HSD17B3: variants seen among roughly 807,000 people sequenced by gnomAD.
HSD17B3 encodes the protein 17-beta-hydroxysteroid dehydrogenase type 3.
HSD17B3 carries 29 observed loss-of-function variants against 41.1 expected under a neutral mutation model. The ratio of observed to expected loss-of-function variants is 0.71; its 90% CI spans 0.53 to 0.96. The LOEUF (loss-of-function observed/expected upper bound fraction) is 0.96. Among genes scored for constraint, HSD17B3 ranks in the 40% least tolerant of loss-of-function variants. The probability of loss-of-function intolerance (pLI) is 0.00; values close to 1 mark genes in which losing one functional copy is unlikely to be tolerated. For missense variants in HSD17B3, 323 were observed against 374.6 expected (o/e 0.86, Z 1.14); for synonymous variants, 126 against 145.6 (o/e 0.87, Z 0.97).
Position 96,240,842 on chromosome 9 carries a change from C to G in HSD17B3, c.738G>C (p.Lys246Asn). 6.2e-7 allele frequency: 1 copy of G among 1,614,182 alleles called. No individual in the cohort carries two copies. The highest frequency in any genetic ancestry group is 8.5e-7 in the Non-Finnish European group (1 of 1,180,004). Residue 246 changes from lysine to asparagine, a missense_variant, in exon 10 of 11, where the codon AAG becomes AAC. Lys to Asn is a moderately conservative substitution (Grantham distance 94). Transcript: ENST00000375263. Reference sequence around the variant, plus strand: ...ACTCTTTGACAAACTCATCAGCAGTCTTGGTTATCACATTTGTATTTAGAT... The same window carrying G: ...ACTCTTTGACAAACTCATCAGCAGTGTTGGTTATCACATTTGTATTTAGAT... ...TKYLNTNVIT[K>N]TADEFVKESL...
At chr9:96,261,973 C>T (rs761144516) in intron 2 of HSD17B3, among the ~76,000 whole-genome samples, 2 of 152,128 alleles carry the variant, frequency 1.3e-5, no homozygotes, top group African/African-American at 2.4e-5. Flanking sequence ...ACTGTAACTA[C>T]GAAGTGAAAC....
At chr9:96,286,100 T>C (rs1031464446) in intron 2 of HSD17B3, among the ~76,000 whole-genome samples, 1 of 152,106 alleles carries the variant, frequency 6.6e-6, no homozygotes, top group Non-Finnish European at 1.5e-5. Flanking sequence ...TCCCAGCACT[T>C]TGGGAGGCCA....
intron 2 of HSD17B3, among the ~76,000 whole-genome samples, chr9:96,259,042 G>A (rs752036477): frequency 1.4e-4 from 22 of 152,184 alleles, no homozygotes; most frequent in Non-Finnish European, 2.6e-4. Flanking sequence ...CATCCAGCTA[G>A]TGCCAGGATT....
chr9:96,253,278 A>C (rs1825501435), intron 3 of HSD17B3, among the ~76,000 whole-genome samples: 1 of 152,166 alleles, frequency 6.6e-6, no homozygotes, highest in Admixed American at 6.6e-5. Context: ...GGTGGAGCCC[A>C]GCCAGCCACC....
At chr9:96,276,703 AT>A (rs1399445049) in intron 2 of HSD17B3, among the ~76,000 whole-genome samples, 2 of 152,242 alleles carry the variant, frequency 1.3e-5, no homozygotes, top group Admixed American at 1.3e-4. Flanking sequence ...AGATATCCGC[AT>A]GCAGAAAAAT....
chr9:96,298,521 A>T, intron 1 of HSD17B3, 59 bp from the exon 2 acceptor site: 1 of 1,445,588 alleles, frequency 6.9e-7, no homozygotes, highest in Non-Finnish European at 9.7e-7. Flanking sequence ...TCTCTTTCTC[A>T]CTGGCCACGT....
rs55707445 is a variant in HSD17B3, at chr9:96,300,209, G to GACACACACACACACACACACAC, written c.154+1720_154+1741dup. The stretch of plus-strand genomic sequence containing the variant: ...TCCTGACAGCATAATACCCCAAGAG[G>GACACACACACACACACACACAC]ACACACACACACACACACACACACA... On this transcript the variant is annotated intron_variant, in intron 1 of 10. Coordinates refer to ENST00000375263, the MANE Select transcript of HSD17B3 (RefSeq NM_000197.2). Among the ~76,000 whole-genome samples the GACACACACACACACACACACAC allele has an allele frequency of 4.5e-4, 52 of 116,376 alleles. 3 individuals carry two copies. Among genetic ancestry groups the GACACACACACACACACACACAC allele is most frequent in the Non-Finnish European group, 7.7e-4 (43 of 55,976 alleles). 76.3% of individuals were successfully genotyped at this position (116,376 alleles called of 152,430 possible).
At chr9:96,248,960 C>T (rs1448932259) in intron 6 of HSD17B3, among the ~76,000 whole-genome samples, 3 of 151,258 alleles carry the variant, frequency 2.0e-5, no homozygotes, top group African/African-American at 7.3e-5. Context: ...GGCTCGACTG[C>T]AGTGACACAG....
chr9:96,244,412 G>A lies in HSD17B3; in HGVS notation c.607-18C>T. 6.2e-7 allele frequency: 1 copy of A among 1,613,908 alleles called. No homozygotes were observed. The highest frequency in any genetic ancestry group is 8.5e-7 in the Non-Finnish European group (1 of 1,179,808). Reference sequence around the variant, plus strand: ...ACAAACGCCTGGAGCAAGAAGGAGAGACACCTGAGGCCCCAGAGTGAGCTC... The same window carrying A: ...ACAAACGCCTGGAGCAAGAAGGAGAAACACCTGAGGCCCCAGAGTGAGCTC... On this transcript the variant is annotated intron_variant, in intron 8 of 10. Coordinates refer to ENST00000375263, the MANE Select transcript of HSD17B3 (RefSeq NM_000197.2).
At chr9:96,281,023 A>C (rs1826669960) in intron 2 of HSD17B3, among the ~76,000 whole-genome samples, 1 of 152,150 alleles carries the variant, frequency 6.6e-6, no homozygotes, top group African/African-American at 2.4e-5. Flanking sequence ...TGCTCTGTCC[A>C]TGGAGTAGCC....
At chr9:96,275,233 G>T (rs185468195) in intron 2 of HSD17B3, among the ~76,000 whole-genome samples, 2 of 152,064 alleles carry the variant, frequency 1.3e-5, no homozygotes, top group South Asian at 2.1e-4. Flanking sequence ...CTTAAGGCAG[G>T]TCCTCAAATT....
intron 2 of HSD17B3, among the ~76,000 whole-genome samples, chr9:96,271,258 T>G (rs902480307): frequency 1.1e-4 from 16 of 152,180 alleles, no homozygotes; most frequent in Non-Finnish European, 2.4e-4. Flanking sequence ...TGGTCAGGTC[T>G]CCATGCTATA....
chr9:96,248,192 T>A (rs1836749615), intron 6 of HSD17B3, among the ~76,000 whole-genome samples: 1 of 152,084 alleles, frequency 6.6e-6, no homozygotes, highest in Admixed American at 6.5e-5. Context: ...CATATAAAAC[T>A]CATAATTACA....
chr9:96,240,398 T>C (rs1243838007), intron 10 of HSD17B3, among the ~76,000 whole-genome samples: 3 of 152,190 alleles, frequency 2.0e-5, no homozygotes, highest in African/African-American at 7.2e-5. Flanking sequence ...GTTTTGTTTT[T>C]TTGCCTGGAG....
At chr9:96,284,992 C>T (rs529765640) in intron 2 of HSD17B3, among the ~76,000 whole-genome samples, 1 of 152,050 alleles carries the variant, frequency 6.6e-6, no homozygotes, top group Non-Finnish European at 1.5e-5. Flanking sequence ...GCACCCACTA[C>T]CATGCCTGGC....
At chr9:96,301,710 C>CAAAAA (rs35760395) in intron 1 of HSD17B3, among the ~76,000 whole-genome samples, 2 of 103,478 alleles carry the variant, frequency 1.9e-5, no homozygotes, top group African/African-American at 7.3e-5. Flanking sequence ...GACTCTGTCT[C>CAAAAA]AAAAAAAAAA....
intron 2 of HSD17B3, among the ~76,000 whole-genome samples, chr9:96,290,979 T>A (rs1338091890): frequency 6.6e-6 from 1 of 152,142 alleles, no homozygotes; most frequent in African/African-American, 2.4e-5. Flanking sequence ...GGAAAAACTA[T>A]GACCCCACCC....
At chr9:96,268,082 G>A (rs918824329) in intron 2 of HSD17B3, among the ~76,000 whole-genome samples, 5 of 152,160 alleles carry the variant, frequency 3.3e-5, no homozygotes, top group African/African-American at 4.8e-5. Flanking sequence ...ACGCCACCAC[G>A]CCCAGCTAAT....
intron 2 of HSD17B3, among the ~76,000 whole-genome samples, chr9:96,281,130 GTCTGGA>G (rs1826675126): frequency 6.6e-6 from 1 of 152,024 alleles, no homozygotes; most frequent in South Asian, 2.1e-4. Flanking sequence ...TTCTCTTGGG[GTCTGGA>G]TCAGGACCCC....
Sources: allele counts gnomAD v4.1 joint callset (sites outside exome capture counted in the v4.1 genomes callset), GRCh38; gene constraint gnomAD v4.1.1; transcripts MANE v1.5; gene names NCBI Gene and HGNC (gene_info 2026-07-23, HGNC 2026-07-21).